Variants in TG observed in about 807,000 individuals in gnomAD.
TG encodes thyroid hormones.
Under a neutral mutation model 324.7 loss-of-function variants are expected in TG, and 270 were observed. The ratio of observed to expected loss-of-function variants is 0.83; its 90% CI spans 0.75 to 0.92. The LOEUF is 0.92. TG is among the 40% of genes least tolerant of loss of function. The pLI, the probability that TG is intolerant of heterozygous loss-of-function variation, is 0.00. For synonymous variants in TG, 1,401 were observed against 1,327.0 expected (o/e 1.06, Z -1.21); for missense variants, 3,591 against 3,456.4 (o/e 1.04, Z -0.98).
rs1332458708 is a variant in TG, at chr8:132,867,026, C to T, written c.26C>T (p.Thr9Ile). ...ATGGCCCTGGTCCTGGAGATCTTCA[C>T]CCTGCTGGCCTCCATCTGCTGGGTG... The part of the protein sequence containing the change: MALVLEIF[T>I]LLASICWVSA... The change falls in exon 1 of 48, where the codon ACC becomes ATC. Residue 9 changes from threonine (T) to isoleucine (I), a missense_variant. Physicochemically the swap from Thr to Ile is moderately conservative, Grantham distance 89 (BLOSUM62 -1). Coordinates refer to ENST00000220616, the MANE Select transcript of TG (RefSeq NM_003235.5). 6.2e-7 allele frequency: 1 copy of T among 1,601,262 alleles called. No individual in the cohort carries two copies.
chr8:132,988,109 G>A (rs1831821920), intron 35 of TG, among the ~76,000 whole-genome samples: 1 of 140,412 alleles, frequency 7.1e-6, no homozygotes. Context: ...CACACGAAAT[G>A]AAGCTAAGCA....
chr8:132,933,475 TGG>T, intron 23 of TG, 84 bp from the exon 24 acceptor site: 1 of 1,003,014 alleles, frequency 1.0e-6, no homozygotes, highest in Non-Finnish European at 1.6e-6. Flanking sequence ...TTTGGGCATG[TGG>T]GGCAGGGGCA....
intron 34 of TG, among the ~76,000 whole-genome samples, chr8:132,978,854 G>A (rs1403483): frequency 0.6 from 91,091 of 151,486 alleles, 28,629 homozygotes; most frequent in African/African-American, 0.73. Flanking sequence ...CAGATCAAAG[G>A]ATGGAGCAGA....
At chr8:132,897,844 G>T in intron 12 of TG, 58 bp downstream of exon 12, 1 of 1,602,036 alleles carries the variant, frequency 6.2e-7, no homozygotes, top group Non-Finnish European at 8.5e-7. Context: ...TATTTTAGAG[G>T]ACAGAGCCCC....
At chr8:132,873,256 A>G (rs1407447454) in intron 5 of TG, 35 bp downstream of exon 5, 3 of 1,612,920 alleles carry the variant, frequency 1.9e-6, no homozygotes, top group Non-Finnish European at 2.5e-6. Context: ...TCACTGGGCC[A>G]TCACCTGACG....
chr8:132,898,656 T>C, intron 13 of TG, 142 bp from the exon 14 acceptor site: 1 of 734,892 alleles, frequency 1.4e-6, no homozygotes, highest in Non-Finnish European at 2.4e-6. Flanking sequence ...CATGAGTCTT[T>C]GTCCTCAGAG....
At chr8:133,077,404 G>A (rs1314117240) in intron 41 of TG, among the ~76,000 whole-genome samples, 1 of 152,162 alleles carries the variant, frequency 6.6e-6, no homozygotes, top group Non-Finnish European at 1.5e-5. Flanking sequence ...GTCATTGGGT[G>A]ACTGAAGGGT....
chr8:132,957,012 G>A (rs531023833), intron 27 of TG, among the ~76,000 whole-genome samples: 2 of 152,120 alleles, frequency 1.3e-5, no homozygotes, highest in South Asian at 2.1e-4. Context: ...AGTGAGTTTG[G>A]GTGTAGGGAT....
intron 41 of TG, among the ~76,000 whole-genome samples, chr8:133,033,466 A>G (rs1836815592): frequency 6.6e-6 from 1 of 152,174 alleles, no homozygotes; most frequent in African/African-American, 2.4e-5. Flanking sequence ...GGACCCAGAA[A>G]ACATTTCCCT....
At chr8:132,899,902 G>C (rs1322430724) in intron 14 of TG, among the ~76,000 whole-genome samples, 1 of 152,162 alleles carries the variant, frequency 6.6e-6, no homozygotes, top group Admixed American at 6.5e-5. Flanking sequence ...CTAGGCTTTG[G>C]GTCTAGATGG....
chr8:133,022,107 C>T lies in TG; in HGVS notation c.6993C>T (p.Val2331=). ...CTGCTGTTGGCAACCTCATCGTGGT[C>T]ACTGCCAGCTACCGAGTGGGTGTCT... The part of the protein sequence containing the change: ...FLAAVGNLIV[V]TASYRVGVFG... The change falls in exon 40 of 48, where the codon GTC becomes GTT. Residue 2331 remains valine, a synonymous_variant. Transcript: ENST00000220616. The T allele has an allele frequency of 6.2e-7, 1 of 1,614,150 alleles. No homozygotes were observed. The highest frequency in any genetic ancestry group is 8.5e-7 in the Non-Finnish European group (1 of 1,180,024).
intron 41 of TG, among the ~76,000 whole-genome samples, chr8:133,081,508 C>G (rs1845736078): frequency 1.3e-5 from 2 of 152,154 alleles, no homozygotes; most frequent in South Asian, 4.1e-4. Flanking sequence ...ATTTCTCCAG[C>G]TGGAGTGGAA....
intron 40 of TG, 74 bp downstream of exon 40, chr8:133,022,224 C>A (rs1274064829): frequency 1.9e-6 from 3 of 1,588,442 alleles, no homozygotes; most frequent in Non-Finnish European, 2.6e-6. Context: ...AAGACCCATC[C>A]CCTCACTGCC....
chr8:132,889,095 C>T (rs138838427), intron 10 of TG, among the ~76,000 whole-genome samples: 57 of 152,176 alleles, frequency 3.7e-4, no homozygotes, highest in African/African-American at 1.1e-3. Flanking sequence ...ATTGGAGAGC[C>T]GGTAATTGAG....
chr8:133,094,193 A>T (rs1165130856), intron 41 of TG, among the ~76,000 whole-genome samples: 1 of 151,288 alleles, frequency 6.6e-6, no homozygotes, highest in African/African-American at 2.4e-5. Context: ...ACTTCCTGGA[A>T]CCCAGCTCCT....
chr8:133,100,244 G>C (rs1849039752), intron 43 of TG, among the ~76,000 whole-genome samples: 1 of 152,156 alleles, frequency 6.6e-6, no homozygotes, highest in Non-Finnish European at 1.5e-5. Flanking sequence ...TTCAGGGTCT[G>C]CTTATCAGAA....
chr8:132,874,903 C>T (rs533772662), intron 5 of TG, among the ~76,000 whole-genome samples: 4 of 152,278 alleles, frequency 2.6e-5, no homozygotes, highest in South Asian at 2.1e-4. Flanking sequence ...TTCTGTGCTC[C>T]GGGTCCCTCT....
chr8:133,000,125 A>T (rs2130823389), intron 35 of TG, among the ~76,000 whole-genome samples: 1 of 152,318 alleles, frequency 6.6e-6, no homozygotes, highest in Non-Finnish European at 1.5e-5. Context: ...CTGGAGGTTG[A>T]TGTATGGGAG....
chr8:133,042,209 A>G (rs1838390677), intron 41 of TG, among the ~76,000 whole-genome samples: 2 of 152,122 alleles, frequency 1.3e-5, no homozygotes, highest in South Asian at 2.1e-4. Context: ...AAAGCAACTC[A>G]TTGCCTCTTA....
Sources: gnomAD v4.1 joint callset for allele counts (sites outside exome capture counted in the v4.1 genomes callset) on GRCh38, gnomAD v4.1.1 for gene constraint, MANE v1.5 for transcripts, NCBI Gene and HGNC (gene_info 2026-07-23, HGNC 2026-07-21) for gene names.